Variants in BCL11A observed in about 807,000 individuals in gnomAD.
The protein encoded by BCL11A is B cell CLL/lymphoma 11A.
In BCL11A, 2 loss-of-function variants were observed where a neutral mutation model predicts 55.9. The ratio of observed to expected loss-of-function variants is 0.04; its 90% CI spans 0.01 to 0.11. BCL11A has a LOEUF of 0.11. Among genes scored for constraint, BCL11A ranks in the 10% least tolerant of loss-of-function variants. The probability of loss-of-function intolerance (pLI) is 1.00; values close to 1 mark genes in which losing one functional copy is unlikely to be tolerated. For synonymous variants in BCL11A, 465 were observed against 473.4 expected, an observed-to-expected ratio of 0.98 and a Z score of 0.23; for missense variants, 817 against 1,137.1, an observed-to-expected ratio of 0.72 and a Z score of 4.05.
intron 2 of BCL11A, among the ~76,000 whole-genome samples, chr2:60,499,299 G>C (rs200517740): frequency 1.3e-5 from 2 of 152,196 alleles, no homozygotes; most frequent in South Asian, 2.1e-4. Flanking sequence ...CCCCTGCCCA[G>C]CCATACCCTT....
At position 60,546,344 on chromosome 2, in the gene BCL11A, A is replaced by G. The variant is rs1670157068; in HGVS notation, c.56-44T>C. Reference sequence around the variant, plus strand: ...AAGCACAATTATTAGAGTGCCAGAGAGGACAGAAAGGGGAGAAGCACATCT... The same window carrying G: ...AAGCACAATTATTAGAGTGCCAGAGGGGACAGAAAGGGGAGAAGCACATCT... On this transcript the variant is annotated intron_variant, in intron 1 of 3. Transcript: ENST00000642384. This position sits in a 1 kb window ranked among gnomAD's most constrained non-coding sequence, Gnocchi z 4.1. 1 of 1,540,632 alleles carries G rather than the reference A, an allele frequency of 6.5e-7. No individual in the cohort carries two copies. Among genetic ancestry groups the G allele is most frequent in the Non-Finnish European group, 8.9e-7 (1 of 1,124,304 alleles).
chr2:60,519,621 C>G (rs1395000692), intron 2 of BCL11A, among the ~76,000 whole-genome samples: 7 of 152,042 alleles, frequency 4.6e-5, no homozygotes, highest in Non-Finnish European at 1.0e-4. Context: ...TGAAATCTGA[C>G]GTGCTTTGCA....
At chr2:60,550,355 G>T (rs1380364164) in intron 1 of BCL11A, among the ~76,000 whole-genome samples, 1 of 152,168 alleles carries the variant, frequency 6.6e-6, no homozygotes, top group Non-Finnish European at 1.5e-5. Context: ...AAAGACATAC[G>T]GGGTGATGGG....
At chr2:60,452,954 C>T, downstream of BCL11A, 1 of 289,722 alleles carries the variant, frequency 3.5e-6, no homozygotes, top group Non-Finnish European at 6.6e-6. Flanking sequence ...TCGGGACACA[C>T]CTGGAAGGAA....
At chr2:60,472,225 C>G (rs1416646945) in intron 2 of BCL11A, among the ~76,000 whole-genome samples, 1 of 152,224 alleles carries the variant, frequency 6.6e-6, no homozygotes, top group African/African-American at 2.4e-5. Flanking sequence ...AACACCCAAA[C>G]CAGCTTGTGC....
At chr2:60,503,994 C>T (rs559188115) in intron 2 of BCL11A, among the ~76,000 whole-genome samples, 32 of 152,238 alleles carry the variant, frequency 2.1e-4, no homozygotes, top group African/African-American at 7.0e-4. Context: ...AGTATTAAGG[C>T]CCAACCCAGC....
chr2:60,500,673 T>A (rs1679230056), intron 2 of BCL11A, among the ~76,000 whole-genome samples: 1 of 152,022 alleles, frequency 6.6e-6, no homozygotes, highest in Non-Finnish European at 1.5e-5. Context: ...TAAGACAAGG[T>A]ATAAGGCTGA....
chr2:60,517,903 G>T (rs1320538042), intron 2 of BCL11A, among the ~76,000 whole-genome samples: 1 of 147,758 alleles, frequency 6.8e-6, no homozygotes, highest in Non-Finnish European at 1.5e-5. Flanking sequence ...TTTCTTCTAT[G>T]ATTCCTCAGA....
At chr2:60,549,430 A>C (rs1256432733) in intron 1 of BCL11A, among the ~76,000 whole-genome samples, 3 of 152,234 alleles carry the variant, frequency 2.0e-5, no homozygotes, top group Non-Finnish European at 4.4e-5. Flanking sequence ...GCTGAAATTC[A>C]GAGAGGAAAA....
intron 3 of BCL11A, among the ~76,000 whole-genome samples, chr2:60,467,687 GTGGTGGTGGTGATGGTAC>G (rs1676855909): frequency 2.1e-5 from 2 of 97,358 alleles, no homozygotes; most frequent in East Asian, 3.9e-4. Context: ...GGTGATGGTG[GTGGTGGTGGTGATGGTAC>G]TGGTGGTGAT....
intron 2 of BCL11A, among the ~76,000 whole-genome samples, chr2:60,485,155 G>T (rs897769680): frequency 3.9e-5 from 6 of 152,184 alleles, no homozygotes; most frequent in Non-Finnish European, 7.3e-5. Flanking sequence ...TCCTAAACAG[G>T]CCCCTTCTTC....
At chr2:60,509,540 C>A (rs1000557959) in intron 2 of BCL11A, among the ~76,000 whole-genome samples, 6 of 152,182 alleles carry the variant, frequency 3.9e-5, no homozygotes, top group Non-Finnish European at 8.8e-5. Context: ...AACAGCAGCT[C>A]GATGGTCTAC....
At chr2:60,547,341 C>T (rs538269988) in intron 1 of BCL11A, among the ~76,000 whole-genome samples, 63 of 152,052 alleles carry the variant, frequency 4.1e-4, no homozygotes, top group Admixed American at 1.4e-3. Context: ...TAATCACCAG[C>T]GGATGGTATA....
downstream of BCL11A, chr2:60,452,524 C>A (rs376997415): frequency 2.1e-6 from 3 of 1,438,686 alleles, no homozygotes; most frequent in African/African-American, 2.8e-5. Flanking sequence ...ACCACGCTGA[C>A]GTCGACTGGG....
intron 2 of BCL11A, chr2:60,522,333 T>G (rs923307848): frequency 3.3e-5 from 5 of 151,966 alleles, no homozygotes; most frequent in Non-Finnish European, 7.4e-5. Context: ...TAGGAACTCG[T>G]TTTTTTTCTT....
downstream of BCL11A, among the ~76,000 whole-genome samples, chr2:60,453,910 G>A (rs987437986): frequency 6.6e-6 from 1 of 152,018 alleles, no homozygotes; most frequent in Non-Finnish European, 1.5e-5. Flanking sequence ...ATCAACCATC[G>A]AGCTGTGTTC....
chr2:60,550,105 G>A (rs1354085873), intron 1 of BCL11A, among the ~76,000 whole-genome samples: 1 of 152,066 alleles, frequency 6.6e-6, no homozygotes, highest in Admixed American at 6.5e-5. Context: ...GAAGAAGTGA[G>A]GCTGGAGACC....
At chr2:60,534,435 T>A (rs1396238739) in intron 2 of BCL11A, 3 of 152,242 alleles carry the variant, frequency 2.0e-5, no homozygotes. Flanking sequence ...AGGAACCTGA[T>A]GTCTTAATAC....
At chr2:60,518,647 C>A (rs1298415236) in intron 2 of BCL11A, among the ~76,000 whole-genome samples, 1 of 152,158 alleles carries the variant, frequency 6.6e-6, no homozygotes, top group Non-Finnish European at 1.5e-5. Context: ...GGAGGTGACA[C>A]ACAAACCCAG....
Sources: gnomAD v4.1 joint callset for allele counts (sites outside exome capture counted in the v4.1 genomes callset) on GRCh38, gnomAD v4.1.1 for gene constraint, Gnocchi (gnomAD v3.1) non-coding constraint, MANE v1.5 for transcripts, NCBI Gene and HGNC (gene_info 2026-07-23, HGNC 2026-07-21) for gene names.